BANK1: variants seen among roughly 807,000 people sequenced by gnomAD.
The protein encoded by BANK1 is B-cell scaffold protein with ankyrin repeats.
In BANK1, 95 loss-of-function variants were observed where a neutral mutation model predicts 94.5. The ratio of observed to expected loss-of-function variants is 1.00; its 90% CI spans 0.85 to 1.19. BANK1 has a LOEUF of 1.19. Ranked by LOEUF, BANK1 falls within the 50% of genes most tolerant of loss-of-function variation. The pLI, the probability that BANK1 is intolerant of heterozygous loss-of-function variation, is 0.00. For synonymous variants in BANK1, 334 were observed against 308.4 expected, an observed-to-expected ratio of 1.08 and a Z score of -0.87; for missense variants, 987 against 932.2, an observed-to-expected ratio of 1.06 and a Z score of -0.77.
intron 7 of BANK1, among the ~76,000 whole-genome samples, chr4:102,019,168 T>G (rs1333890427): frequency 6.6e-6 from 1 of 152,216 alleles, no homozygotes; most frequent in Non-Finnish European, 1.5e-5. Flanking sequence ...TAATAATTTT[T>G]TATTTATCTT....
chr4:102,063,234 C>A, intron 13 of BANK1, 96 bp downstream of exon 13: 3 of 1,101,890 alleles, frequency 2.7e-6, no homozygotes, highest in Non-Finnish European at 4.0e-6. Flanking sequence ...CAAATCTAAA[C>A]CTCAACAATT....
rs115506918 is a variant in BANK1 at position 101,859,052 on chromosome 4, A to T, written c.625-3474A>T. On this transcript the variant is annotated intron_variant, in intron 3 of 16. Transcript: ENST00000322953. The stretch of plus-strand genomic sequence containing the variant: ...CATCCCTTGACTCTGAATACAATTT[A>T]AAACAGTGTACAAAAGCTAACAGCA... 8.1e-3 allele frequency among the ~76,000 whole-genome samples: 1,240 copies of T among 152,342 alleles called. 16 individuals are homozygous for T. The highest frequency in any genetic ancestry group is 0.028 in the African/African-American group (1,177 of 41,574).
At chr4:101,925,183 T>C (rs140363843) in intron 7 of BANK1, among the ~76,000 whole-genome samples, 7 of 151,784 alleles carry the variant, frequency 4.6e-5, no homozygotes, top group South Asian at 2.1e-4. Flanking sequence ...TTCTCACTTT[T>C]GAAAAAATAT....
chr4:101,934,726 ACAATT>A (rs1354348158), intron 7 of BANK1, among the ~76,000 whole-genome samples: 3 of 151,568 alleles, frequency 2.0e-5, no homozygotes, highest in Admixed American at 2.0e-4. Context: ...AAATAAATGG[ACAATT>A]CCCTAGGGAG....
intron 4 of BANK1, among the ~76,000 whole-genome samples, chr4:101,864,064 A>T (rs1025435393): frequency 6.6e-6 from 1 of 152,218 alleles, no homozygotes. Flanking sequence ...CATGCTTCCA[A>T]GATATACCAA....
intron 2 of BANK1, among the ~76,000 whole-genome samples, chr4:101,842,263 A>G (rs1727077305): frequency 1.3e-5 from 2 of 152,354 alleles, no homozygotes; most frequent in Admixed American, 1.3e-4. Flanking sequence ...CCAAATGGCA[A>G]TAGCACTTAG....
At chr4:102,027,875 A>G (rs546233432) in intron 9 of BANK1, among the ~76,000 whole-genome samples, 20 of 152,300 alleles carry the variant, frequency 1.3e-4, no homozygotes, top group African/African-American at 4.8e-4. Flanking sequence ...AAGAAGCCCT[A>G]TAATTAGAAT....
chr4:102,072,500 T>TAACA, intron 15 of BANK1, 100 bp downstream of exon 15: 1 of 873,744 alleles, frequency 1.1e-6, no homozygotes, highest in East Asian at 2.6e-5. Flanking sequence ...TTAGACATTC[T>TAACA]AACAGATATG....
intron 7 of BANK1, among the ~76,000 whole-genome samples, chr4:101,936,077 A>T (rs1723521982): frequency 6.6e-6 from 1 of 151,474 alleles, no homozygotes; most frequent in African/African-American, 2.4e-5. Flanking sequence ...AAGGTTCTAT[A>T]CAGCAAAGGA....
chr4:102,073,520 A>T (rs1222342270), intron 15 of BANK1, among the ~76,000 whole-genome samples, 164 bp from the exon 16 acceptor site: 4 of 152,030 alleles, frequency 2.6e-5, no homozygotes, highest in Non-Finnish European at 5.9e-5. Flanking sequence ...CTTTACAATG[A>T]TTCTGTTTCC....
chr4:101,985,663 A>G (rs893413615), intron 7 of BANK1, among the ~76,000 whole-genome samples: 12 of 152,158 alleles, frequency 7.9e-5, no homozygotes, highest in African/African-American at 2.9e-4. Context: ...TGATGCATGT[A>G]AAAATATTGC....
intron 1 of BANK1, among the ~76,000 whole-genome samples, chr4:101,801,498 A>G (rs1325306076): frequency 1.3e-5 from 2 of 152,194 alleles, no homozygotes; most frequent in Non-Finnish European, 2.9e-5. Flanking sequence ...ATATTGTTGA[A>G]TATGTATTAT....
intron 2 of BANK1, among the ~76,000 whole-genome samples, chr4:101,850,438 ATT>A (rs33966973): frequency 0.11 from 15,953 of 143,432 alleles, 1,094 homozygotes; most frequent in East Asian, 0.24. Context: ...CACCCAACTA[ATT>A]TTTTTTTTTT....
intron 1 of BANK1, among the ~76,000 whole-genome samples, chr4:101,804,889 T>G (rs557342992): frequency 6.6e-6 from 1 of 152,306 alleles, no homozygotes; most frequent in African/African-American, 2.4e-5. Context: ...TCAGGGGTCA[T>G]TGTCCCAACC....
intron 13 of BANK1, among the ~76,000 whole-genome samples, chr4:102,064,905 G>T (rs1226768114): frequency 6.6e-6 from 1 of 152,206 alleles, no homozygotes; most frequent in East Asian, 1.9e-4. Context: ...AGCTGAAGCT[G>T]CTAGAATATG....
intron 1 of BANK1, among the ~76,000 whole-genome samples, chr4:101,793,612 T>A (rs1459678860): frequency 6.6e-6 from 1 of 152,214 alleles, no homozygotes; most frequent in Non-Finnish European, 1.5e-5. Flanking sequence ...GTCTTTTGAC[T>A]CATACTGCCT....
chr4:101,862,392 A>G, intron 3 of BANK1, 134 bp from the exon 4 acceptor site: 1 of 582,070 alleles, frequency 1.7e-6, no homozygotes, highest in Non-Finnish European at 2.7e-6. Context: ...TTCTGGATAC[A>G]GTTGAAAATA....
chr4:102,062,061 A>AT (rs769693047), intron 12 of BANK1: 1 of 152,206 alleles, frequency 6.6e-6, no homozygotes, highest in Non-Finnish European at 1.5e-5. Flanking sequence ...ACAAAGATGC[A>AT]TTCCTATGTA....
At chr4:101,843,764 A>C (rs182932654) in intron 2 of BANK1, among the ~76,000 whole-genome samples, 106 of 152,158 alleles carry the variant, frequency 7.0e-4, no homozygotes, top group African/African-American at 2.4e-3. Context: ...AATATACAAA[A>C]AAAAAAGATT....
Sources: gnomAD v4.1 joint callset for allele counts (sites outside exome capture counted in the v4.1 genomes callset) on GRCh38, gnomAD v4.1.1 for gene constraint, MANE v1.5 for transcripts, NCBI Gene and HGNC (gene_info 2026-07-23, HGNC 2026-07-21) for gene names.